The following FSTL5 variants were observed in gnomAD, a reference collection of about 807,000 sequenced individuals.
FSTL5 encodes follistatin like 5, also known as follistatin-related protein 5.
Under a neutral mutation model 89.1 loss-of-function variants are expected in FSTL5, and 62 were observed. That is an observed-to-expected ratio of 0.70 (90% CI 0.57 to 0.86). The LOEUF (loss-of-function observed/expected upper bound fraction) is 0.86. Among genes scored for constraint, FSTL5 ranks in the 40% least tolerant of loss-of-function variants. The pLI is 0.00. For missense variants in FSTL5, 1,057 were observed against 1,001.6 expected, an observed-to-expected ratio of 1.06 and a Z score of -0.75; for synonymous variants, 383 against 346.2, an observed-to-expected ratio of 1.11 and a Z score of -1.18.
At chr4:161,533,870 A>G (rs766258331) in intron 10 of FSTL5, among the ~76,000 whole-genome samples, 2 of 152,132 alleles carry the variant, frequency 1.3e-5, no homozygotes, top group Non-Finnish European at 2.9e-5. Flanking sequence ...AGAATATCAA[A>G]AAGTTAATTC....
chr4:161,987,473 T>C (rs1735996839), intron 3 of FSTL5, among the ~76,000 whole-genome samples: 1 of 142,808 alleles, frequency 7.0e-6, no homozygotes, highest in Admixed American at 7.0e-5. Context: ...TATATATGTA[T>C]ATATATATAT....
chr4:161,905,221 A>G (rs1158797866), intron 4 of FSTL5, among the ~76,000 whole-genome samples: 1 of 152,142 alleles, frequency 6.6e-6, no homozygotes, highest in Non-Finnish European at 1.5e-5. Flanking sequence ...CTTCTTTAAA[A>G]TTAAAAAAAG....
chr4:161,738,635 T>A lies in FSTL5; in HGVS notation c.727+20776A>T, dbSNP rs79651997. On this transcript the variant is annotated intron_variant, in intron 6 of 15. Transcript: ENST00000306100. Reference sequence around the variant, plus strand: ...TTATGTCAAAACTTTTCAAATTAAATAAAGATAAAAAGGAGACACCTAGCT... The same window carrying A: ...TTATGTCAAAACTTTTCAAATTAAAAAAAGATAAAAAGGAGACACCTAGCT... Among the ~76,000 whole-genome samples, 760 of 152,176 alleles carry A rather than the reference T, an allele frequency of 5.0e-3. 5 individuals carry two copies. The highest frequency in any genetic ancestry group is 0.031 in the East Asian group (160 of 5,184).
At chr4:161,487,859 G>T (rs921891880) in intron 12 of FSTL5, among the ~76,000 whole-genome samples, 5 of 152,024 alleles carry the variant, frequency 3.3e-5, no homozygotes, top group African/African-American at 1.2e-4. Context: ...TATTCAGTTT[G>T]TCATAAATCA....
At chr4:161,795,893 T>C (rs1242011631) in intron 4 of FSTL5, among the ~76,000 whole-genome samples, 1 of 152,004 alleles carries the variant, frequency 6.6e-6, no homozygotes, top group Non-Finnish European at 1.5e-5. Flanking sequence ...CCAGCTTTGT[T>C]GTTCTTTATC....
chr4:161,683,727 G>T (rs1019440564), intron 6 of FSTL5, among the ~76,000 whole-genome samples: 1 of 151,998 alleles, frequency 6.6e-6, no homozygotes, highest in Non-Finnish European at 1.5e-5. Flanking sequence ...TTGTCTACAG[G>T]TTAGTAACTT....
chr4:161,392,223 A>C (rs1730844410), intron 15 of FSTL5, among the ~76,000 whole-genome samples: 1 of 64,060 alleles, frequency 1.6e-5, no homozygotes, highest in Admixed American at 2.7e-4. Flanking sequence ...CAGATTTTTA[A>C]ATTTTAATTA....
At chr4:161,455,217 T>G in intron 14 of FSTL5, 89 bp from the exon 15 acceptor site, 1 of 1,126,904 alleles carries the variant, frequency 8.9e-7, no homozygotes, top group Non-Finnish European at 1.2e-6. Flanking sequence ...AATAAATGTT[T>G]CTGGCAGTTG....
intron 8 of FSTL5, among the ~76,000 whole-genome samples, chr4:161,560,352 T>C (rs550020663): frequency 1.0e-3 from 154 of 152,072 alleles, no homozygotes; most frequent in Non-Finnish European, 1.4e-3. Context: ...GACATTATTA[T>C]ACACCACTGT....
chr4:161,576,109 C>A (rs1372818388), intron 8 of FSTL5, among the ~76,000 whole-genome samples: 1 of 152,048 alleles, frequency 6.6e-6, no homozygotes. Flanking sequence ...ATACAACATA[C>A]AAGGGACGTG....
chr4:161,707,055 G>A (rs1738607164), intron 6 of FSTL5, among the ~76,000 whole-genome samples: 1 of 151,870 alleles, frequency 6.6e-6, no homozygotes, highest in South Asian at 2.1e-4. Context: ...ATTTTACTGT[G>A]TACCTGTTGT....
At chr4:161,734,584 T>C (rs114088087) in intron 6 of FSTL5, among the ~76,000 whole-genome samples, 1,971 of 152,314 alleles carry the variant, frequency 0.013, 23 homozygotes, top group Middle Eastern at 0.024. Flanking sequence ...TATACATTAA[T>C]GTGTACCTCA....
At chr4:161,977,382 G>T (rs1052045856) in intron 3 of FSTL5, among the ~76,000 whole-genome samples, 1 of 151,816 alleles carries the variant, frequency 6.6e-6, no homozygotes, top group African/African-American at 2.4e-5. Flanking sequence ...GGAGGCCGAG[G>T]CAGGCGGGTC....
At chr4:161,800,270 C>T (rs894785231) in intron 4 of FSTL5, among the ~76,000 whole-genome samples, 3 of 151,498 alleles carry the variant, frequency 2.0e-5, no homozygotes, top group African/African-American at 7.3e-5. Context: ...TATAGTTATA[C>T]AAAACCCGTT....
intron 8 of FSTL5, among the ~76,000 whole-genome samples, chr4:161,554,141 C>T (rs1732307412): frequency 1.3e-5 from 2 of 151,296 alleles, no homozygotes. Context: ...TTTACATTTA[C>T]ACAGGTTTTT....
intron 4 of FSTL5, among the ~76,000 whole-genome samples, chr4:161,906,478 A>T (rs1733532023): frequency 6.6e-6 from 1 of 151,858 alleles, no homozygotes. Context: ...AATTTTTCTT[A>T]AAAAAAAGGA....
Position 161,965,009 on chromosome 4 carries a change from G to A in FSTL5, c.161-44357C>T, listed in dbSNP as rs1735284294. 2.0e-5 allele frequency among the ~76,000 whole-genome samples: 3 copies of A among 152,016 alleles called. 1 individual carries two copies. In the South Asian group the frequency reaches 6.2e-4, roughly 31 times the overall value. On this transcript the variant is annotated intron_variant, in intron 3 of 15. Transcript: ENST00000306100. ...CCTAATTATCAAGAAAGGACCTAGA[G>A]TTGATATAAAACTATTAAGATTTCC...
At chr4:161,432,450 C>A (rs1054057348) in intron 15 of FSTL5, among the ~76,000 whole-genome samples, 2 of 151,590 alleles carry the variant, frequency 1.3e-5, no homozygotes, top group African/African-American at 2.4e-5. Flanking sequence ...CAATGTGAAC[C>A]GTACTAAGAG....
chr4:162,141,898 A>T (rs1380524630), intron 1 of FSTL5, among the ~76,000 whole-genome samples: 1 of 152,104 alleles, frequency 6.6e-6, no homozygotes, highest in East Asian at 1.9e-4. Context: ...GGTAGAAAAA[A>T]GTGTACACAG....
Sources: gnomAD v4.1 joint callset for allele counts (sites outside exome capture counted in the v4.1 genomes callset) on GRCh38, gnomAD v4.1.1 for gene constraint, MANE v1.5 for transcripts, NCBI Gene and HGNC (gene_info 2026-07-23, HGNC 2026-07-21) for gene names.